Variants in PI4KA observed in about 807,000 individuals in gnomAD.
The protein encoded by PI4KA is phosphatidylinositol 4-kinase alpha.
PI4KA carries 122 observed loss-of-function variants against 271.4 expected under a neutral mutation model. The observed-to-expected ratio is 0.45, with a 90% CI of 0.39 to 0.52. The LOEUF (loss-of-function observed/expected upper bound fraction) is 0.52. Ranked by LOEUF, PI4KA falls within the 20% of genes least tolerant of loss-of-function variation. The pLI is 0.00. For missense variants in PI4KA, 1,969 were observed against 2,769.1 expected, an observed-to-expected ratio of 0.71 and a Z score of 6.48; for synonymous variants, 1,041 against 1,078.8, an observed-to-expected ratio of 0.96 and a Z score of 0.69.
intron 7 of PI4KA, among the ~76,000 whole-genome samples, chr22:20,817,286 C>T (rs1443405109): frequency 6.6e-6 from 1 of 152,136 alleles, no homozygotes; most frequent in African/African-American, 2.4e-5. Context: ...GCATGGAATT[C>T]TGCCTTCCCC....
chr22:20,721,255 C>G, intron 43 of PI4KA, 43 bp downstream of exon 43: 1 of 1,610,740 alleles, frequency 6.2e-7, no homozygotes, highest in Non-Finnish European at 8.5e-7. Flanking sequence ...TGGCAGTGCA[C>G]TGAAGACAGT....
At chr22:20,842,821 A>AT (rs985791424) in intron 1 of PI4KA, among the ~76,000 whole-genome samples, 2 of 135,890 alleles carry the variant, frequency 1.5e-5, no homozygotes, top group African/African-American at 2.6e-5. Flanking sequence ...TCTCAAAAAA[A>AT]AAAAAAAGGC....
intron 11 of PI4KA, 113 bp downstream of exon 11, chr22:20,804,861 C>T (rs1935545273): frequency 2.4e-6 from 2 of 846,014 alleles, no homozygotes; most frequent in Non-Finnish European, 3.8e-6. Flanking sequence ...ACTGCAACTG[C>T]CTGTGCTGGT....
chr22:20,812,984 C>A (rs1921263564), intron 8 of PI4KA, among the ~76,000 whole-genome samples: 1 of 152,176 alleles, frequency 6.6e-6, no homozygotes, highest in Non-Finnish European at 1.5e-5. Context: ...TTGTTATTAA[C>A]CCAAATAGAG....
intron 29 of PI4KA, among the ~76,000 whole-genome samples, chr22:20,746,655 G>T (rs1930149106): frequency 6.6e-6 from 1 of 152,208 alleles, no homozygotes; most frequent in African/African-American, 2.4e-5. Context: ...TCCAGGTCAG[G>T]GCACTGATAC....
intron 23 of PI4KA, among the ~76,000 whole-genome samples, chr22:20,755,071 G>A (rs1931131928): frequency 6.6e-6 from 1 of 152,168 alleles, no homozygotes; most frequent in African/African-American, 2.4e-5. Context: ...TTACAGGCAT[G>A]AGCCACCGTG....
At chr22:20,838,015 G>A (rs968404416) in intron 2 of PI4KA, among the ~76,000 whole-genome samples, 1 of 151,972 alleles carries the variant, frequency 6.6e-6, no homozygotes, top group Non-Finnish European at 1.5e-5. Context: ...CAGCTACTCA[G>A]GAGGCTGAGG....
At chr22:20,749,824 T>C (rs1444672674) in intron 28 of PI4KA, 81 bp downstream of exon 28, 5 of 831,394 alleles carry the variant, frequency 6.0e-6, no homozygotes, top group Non-Finnish European at 1.0e-5. Context: ...TATTTGGATT[T>C]TGAGTTCTTC....
At chr22:20,766,246 G>A (rs1411428629) in intron 19 of PI4KA, among the ~76,000 whole-genome samples, 10 of 151,946 alleles carry the variant, frequency 6.6e-5, no homozygotes, top group Admixed American at 4.6e-4. Flanking sequence ...AGTAATCTTC[G>A]GCAGAATCCC....
intron 1 of PI4KA, among the ~76,000 whole-genome samples, chr22:20,844,656 C>G (rs1198965378): frequency 6.6e-6 from 1 of 152,178 alleles, no homozygotes; most frequent in Non-Finnish European, 1.5e-5. Context: ...AAACTTGAAC[C>G]TGGGTCCTAC....
intron 7 of PI4KA, among the ~76,000 whole-genome samples, chr22:20,817,658 CAG>C (rs1466212669): frequency 7.6e-6 from 1 of 131,236 alleles, no homozygotes; most frequent in Non-Finnish European, 1.5e-5. Flanking sequence ...CACTTGAGCC[CAG>C]AAGGTTGAAG....
At chr22:20,813,639 T>A in intron 7 of PI4KA, 133 bp from the exon 8 acceptor site, 1 of 717,802 alleles carries the variant, frequency 1.4e-6, no homozygotes, top group Non-Finnish European at 2.3e-6. Context: ...TGCATGTTTT[T>A]AAATTAACAA....
intron 19 of PI4KA, chr22:20,779,834 T>C (rs773609990): frequency 6.2e-7 from 1 of 1,614,236 alleles, no homozygotes; most frequent in Non-Finnish European, 8.5e-7. Flanking sequence ...GAGAGACCCA[T>C]GAACAAGTGC....
Position 20,748,733 on chromosome 22 carries a change from C to G in PI4KA, c.3244-1031G>C, listed in dbSNP as rs893475929. On this transcript the variant is annotated intron_variant, in intron 28 of 54. Coordinates refer to ENST00000255882, the MANE Select transcript of PI4KA (RefSeq NM_058004.4). ...GACTCCTGGAGCTCCAGAAACCCAT[C>G]CTTGGACACTATGACGATGAAGAGT... Among the ~76,000 whole-genome samples the G allele has an allele frequency of 2.6e-5, 4 of 152,174 alleles. No homozygotes were observed. In the East Asian group the frequency reaches 7.7e-4, roughly 29 times the overall value.
chr22:20,835,685 T>C (rs1924767457), intron 2 of PI4KA, among the ~76,000 whole-genome samples: 1 of 151,990 alleles, frequency 6.6e-6, no homozygotes. Flanking sequence ...TAAGTCAAGA[T>C]TGTGCCACTG....
rs557710729 is a variant in PI4KA, at chr22:20,727,242, C to G, written c.4929G>C (p.Arg1643=). The G allele has an allele frequency of 2.5e-6, 4 of 1,612,538 alleles. No individual in the cohort carries two copies. The highest frequency in any genetic ancestry group is 3.4e-6 in the Non-Finnish European group (4 of 1,179,770). ...GCCCTGGGCTCACCGGAGGGAAGGA[C>G]CGCAGGACTTTCACCCCGTACTGCG... ...LTAQYGVKVL[R]SFPPDAILFY... Residue 1643 remains arginine, a synonymous_variant, in exon 41 of 55, where the codon CGG becomes CGC. Coordinates refer to ENST00000255882, the MANE Select transcript of PI4KA (RefSeq NM_058004.4).
chr22:20,759,402 C>CTTTTTTTTTTTTTTTTTTTTTTT lies in PI4KA; in HGVS notation c.2791+1901_2791+1902insAAAAAAAAAAAAAAAAAAAAAAA, dbSNP rs886192073. Among the ~76,000 whole-genome samples, 131 of 102,882 alleles carry CTTTTTTTTTTTTTTTTTTTTTTT rather than the reference C, an allele frequency of 1.3e-3. 1 individual carries two copies. Among genetic ancestry groups the CTTTTTTTTTTTTTTTTTTTTTTT allele is most frequent in the Non-Finnish European group, 2.0e-3 (102 of 51,314 alleles). 67.5% of individuals were successfully genotyped at this position (102,882 alleles called of 152,430 possible). On this transcript the variant is annotated intron_variant, in intron 23 of 54. Transcript: ENST00000255882. ...TTGATTTTTCTTTTTCTTTTCTTTT[C>CTTTTTTTTTTTTTTTTTTTTTTT]TTTTTTTTTTTTTTTTTTTTTGAGA...
intron 28 of PI4KA, among the ~76,000 whole-genome samples, chr22:20,749,098 C>A (rs1930406659): frequency 6.6e-6 from 1 of 152,212 alleles, no homozygotes; most frequent in African/African-American, 2.4e-5. Flanking sequence ...CGACAGACAG[C>A]CTTGGGACCT....
chr22:20,780,775 C>CAAAAAAA lies in PI4KA; in HGVS notation c.2328+12411_2328+12417dup, dbSNP rs538327544. 3.7e-4 allele frequency among the ~76,000 whole-genome samples: 25 copies of CAAAAAAA among 67,692 alleles called. 1 individual carries two copies. Among genetic ancestry groups the CAAAAAAA allele is most frequent in the African/African-American group, 8.6e-4 (13 of 15,188 alleles). The allele number at this position is 67,692 out of a possible 152,430, so 44.4% of individuals were successfully genotyped here. A position where few individuals can be genotyped will look rare whatever the true frequency, so the allele number is the denominator to read the frequency against. On this transcript the variant is annotated intron_variant, in intron 19 of 54. Coordinates refer to ENST00000255882, the MANE Select transcript of PI4KA (RefSeq NM_058004.4). The stretch of plus-strand genomic sequence containing the variant: ...TGGACGACAGAGTGAGACTCCATCT[C>CAAAAAAA]AAAAAAAAAAAAAAAAGAAGTAAAA...
Sources: gnomAD v4.1 joint callset for allele counts (sites outside exome capture counted in the v4.1 genomes callset) on GRCh38, gnomAD v4.1.1 for gene constraint, MANE v1.5 for transcripts, NCBI Gene and HGNC (gene_info 2026-07-23, HGNC 2026-07-21) for gene names.